The following GARIN5A variants were observed in gnomAD, a reference collection of about 807,000 sequenced individuals.
GARIN5A encodes the protein golgi associated RAB2 interactor 5A.
chr19:50,475,455 C>T, the GARIN5A span: 2 of 1,602,776 alleles, frequency 1.2e-6, no homozygotes, highest in Non-Finnish European at 1.7e-6. Context: ...AACCGAGTCA[C>T]CTGGGGCCAG....
chr19:50,476,756 C>T, the GARIN5A span: 14 of 772,452 alleles, frequency 1.8e-5, no homozygotes, highest in Admixed American at 1.7e-4. Flanking sequence ...CTGCGCAGGG[C>T]TGAGAGGGAA....
chr19:50,471,905 T>C, the GARIN5A span, among the ~76,000 whole-genome samples: 10 of 142,540 alleles, frequency 7.0e-5, no homozygotes, highest in Non-Finnish European at 9.0e-5. Context: ...TGCATACATG[T>C]ATGTGTGTAT....
the GARIN5A span, among the ~76,000 whole-genome samples, chr19:50,472,167 CGTGTGTAT>C: frequency 7.2e-6 from 1 of 138,306 alleles, no homozygotes; most frequent in South Asian, 2.3e-4. Flanking sequence ...TGTATGTATA[CGTGTGTAT>C]ATGTATGTAT....
the GARIN5A span, among the ~76,000 whole-genome samples, chr19:50,471,796 A>ACCTG: frequency 3.2e-4 from 47 of 145,264 alleles, no homozygotes; most frequent in Non-Finnish European, 6.0e-4. Flanking sequence ...GCATACATGC[A>ACCTG]TGTGTATACG....
the GARIN5A span, among the ~76,000 whole-genome samples, chr19:50,472,181 T>C: frequency 2.8e-5 from 4 of 144,052 alleles, no homozygotes; most frequent in Non-Finnish European, 5.9e-5. Context: ...TGTATATGTA[T>C]GTATACATGT....
chr19:50,476,410 G>C, the GARIN5A span: 2 of 1,545,810 alleles, frequency 1.3e-6, no homozygotes, highest in Non-Finnish European at 1.7e-6. Flanking sequence ...CAGGCCCCAG[G>C]TGCGGACGGG....
the GARIN5A span, chr19:50,476,705 G>A: frequency 2.4e-6 from 3 of 1,237,230 alleles, no homozygotes; most frequent in Non-Finnish European, 3.3e-6. Context: ...TACGGATGTC[G>A]CAGGTCTTGG....
At chr19:50,469,442 CT>C in the GARIN5A span, among the ~76,000 whole-genome samples, 1 of 152,220 alleles carries the variant, frequency 6.6e-6, no homozygotes, top group African/African-American at 2.4e-5. Flanking sequence ...CACCTGTTCC[CT>C]CTGCCTGCCT....
At chr19:50,469,151 T>C in the GARIN5A span, among the ~76,000 whole-genome samples, 32 of 152,284 alleles carry the variant, frequency 2.1e-4, no homozygotes, top group South Asian at 8.3e-4. Flanking sequence ...GCTCCCTCTC[T>C]GCCCTCACCT....
chr19:50,476,718 C>A, the GARIN5A span: 1 of 1,099,934 alleles, frequency 9.1e-7, no homozygotes, highest in Non-Finnish European at 1.2e-6. Flanking sequence ...GGTCTTGGGT[C>A]TTTAGGTGAG....
chr19:50,470,043 G>A, the GARIN5A span, among the ~76,000 whole-genome samples: 34 of 152,310 alleles, frequency 2.2e-4, no homozygotes, highest in Non-Finnish European at 1.3e-4. Flanking sequence ...GGAAACTGAG[G>A]CACAGGCAGG....
chr19:50,471,816 CTG>C, the GARIN5A span, among the ~76,000 whole-genome samples: 44 of 142,600 alleles, frequency 3.1e-4, no homozygotes, highest in South Asian at 4.4e-3. Flanking sequence ...GCATACATAC[CTG>C]TGTGTATACG....
the GARIN5A span, chr19:50,467,713 G>A: frequency 2.2e-5 from 35 of 1,599,712 alleles, no homozygotes; most frequent in African/African-American, 3.6e-4. Flanking sequence ...TCGGTCTCGG[G>A]TCTTGAGTGG....
chr19:50,467,782 C>T, the GARIN5A span: 8 of 1,612,530 alleles, frequency 5.0e-6, no homozygotes, highest in South Asian at 3.3e-5. Flanking sequence ...GAGCTGACAC[C>T]GGCTTTTGTC....
chr19:50,472,013 C>T, the GARIN5A span, among the ~76,000 whole-genome samples: 944 of 128,700 alleles, frequency 7.3e-3, 21 homozygotes, highest in African/African-American at 0.018. Context: ...TGTATATATA[C>T]GTGTGTATAT....
chr19:50,476,017 C>T, the GARIN5A span: 3 of 1,602,232 alleles, frequency 1.9e-6, no homozygotes, highest in South Asian at 2.2e-5. Flanking sequence ...TGAGAGGGCC[C>T]GGCACAGCCC....
chr19:50,476,080 TG>T, the GARIN5A span: 1 of 1,609,824 alleles, frequency 6.2e-7, no homozygotes, highest in Non-Finnish European at 8.5e-7. Flanking sequence ...CCATCCTACT[TG>T]GTTCCTTCAC....
chr19:50,467,607 T>G, the GARIN5A span: 2 of 1,551,712 alleles, frequency 1.3e-6, no homozygotes, highest in East Asian at 2.4e-5. Flanking sequence ...CCTCCCCATC[T>G]ACATCCTCCA....
chr19:50,475,208 G>A, the GARIN5A span: 239 of 1,398,252 alleles, frequency 1.7e-4, no homozygotes, highest in Non-Finnish European at 2.2e-4. Context: ...AGGGAGGGCC[G>A]GTAGCACTGC....
Sources: allele counts gnomAD v4.1 joint callset (sites outside exome capture counted in the v4.1 genomes callset), GRCh38; gene constraint gnomAD v4.1.1; transcripts MANE v1.5; gene names NCBI Gene and HGNC (gene_info 2026-07-23, HGNC 2026-07-21).